The following UNC5D variants were observed in gnomAD, a reference collection of about 807,000 sequenced individuals.
UNC5D encodes unc-5 netrin receptor D.
UNC5D carries 39 observed loss-of-function variants against 105.4 expected under a neutral mutation model. That is an observed-to-expected ratio of 0.37 (90% CI 0.29 to 0.48). The LOEUF is 0.48. UNC5D is among the 20% of genes least tolerant of loss of function. The probability of loss-of-function intolerance (pLI) is 0.98; values close to 1 mark genes in which losing one functional copy is unlikely to be tolerated. For missense variants in UNC5D, 991 were observed against 1,202.4 expected (o/e 0.82, Z 2.60); for synonymous variants, 452 against 450.4 (o/e 1.00, Z -0.04).
chr8:35,682,389 C>G (rs1825729484), intron 4 of UNC5D, among the ~76,000 whole-genome samples: 1 of 152,152 alleles, frequency 6.6e-6, no homozygotes. Context: ...ATGAAATGCC[C>G]CTGATGTGTA....
chr8:35,475,569 A>T (rs1423603288), intron 1 of UNC5D, among the ~76,000 whole-genome samples: 1 of 152,190 alleles, frequency 6.6e-6, no homozygotes, highest in Non-Finnish European at 1.5e-5. Context: ...TGTTTTTGCC[A>T]GTACTGGCTC....
intron 1 of UNC5D, among the ~76,000 whole-genome samples, chr8:35,282,952 T>G (rs1806300118): frequency 6.6e-6 from 1 of 152,182 alleles, no homozygotes; most frequent in South Asian, 2.1e-4. Flanking sequence ...TGCATATGTT[T>G]CTCTTAATAG....
At chr8:35,500,102 T>C (rs1389462885) in intron 1 of UNC5D, among the ~76,000 whole-genome samples, 1 of 152,246 alleles carries the variant, frequency 6.6e-6, no homozygotes, top group African/African-American at 2.4e-5. Context: ...CATTAAGCCA[T>C]GTATTCTGAT....
chr8:35,648,614 G>A (rs967338522), intron 4 of UNC5D, among the ~76,000 whole-genome samples: 1 of 150,016 alleles, frequency 6.7e-6, no homozygotes, highest in African/African-American at 2.5e-5. Context: ...GGGAAGCAGA[G>A]GTTGCAGTGA....
At chr8:35,622,490 T>A (rs1234641957) in intron 4 of UNC5D, among the ~76,000 whole-genome samples, 1 of 152,212 alleles carries the variant, frequency 6.6e-6, no homozygotes, top group Non-Finnish European at 1.5e-5. Context: ...TCTTGTTAGC[T>A]GTGTGTTAAG....
At chr8:35,662,064 G>C (rs558455691) in intron 4 of UNC5D, among the ~76,000 whole-genome samples, 2 of 152,030 alleles carry the variant, frequency 1.3e-5, no homozygotes, top group South Asian at 4.2e-4. Flanking sequence ...TCTGATGCCA[G>C]GACTAATTAC....
chr8:35,552,844 A>G (rs1479816772), intron 2 of UNC5D, among the ~76,000 whole-genome samples: 1 of 152,156 alleles, frequency 6.6e-6, no homozygotes, highest in Non-Finnish European at 1.5e-5. Flanking sequence ...AATTCAAAGG[A>G]AGACAGTGGA....
At chr8:35,361,884 A>C (rs1207635269) in intron 1 of UNC5D, among the ~76,000 whole-genome samples, 1 of 152,190 alleles carries the variant, frequency 6.6e-6, no homozygotes, top group Admixed American at 6.5e-5. Context: ...TATATCAATT[A>C]TGTGCTATAT....
At chr8:35,716,796 T>C (rs1357172694) in intron 8 of UNC5D, among the ~76,000 whole-genome samples, 1 of 152,222 alleles carries the variant, frequency 6.6e-6, no homozygotes. Flanking sequence ...TGGTTGGCCA[T>C]GGCTAACTAC....
chr8:35,682,238 C>T (rs920285146), intron 4 of UNC5D, among the ~76,000 whole-genome samples: 2 of 152,206 alleles, frequency 1.3e-5, no homozygotes, highest in African/African-American at 4.8e-5. Context: ...GCTGGGATTA[C>T]AGGCGTGAGC....
intron 14 of UNC5D, among the ~76,000 whole-genome samples, chr8:35,761,434 G>T (rs966421975): frequency 5.3e-5 from 8 of 152,092 alleles, no homozygotes; most frequent in Non-Finnish European, 7.4e-5. Flanking sequence ...AGGCTTAGGG[G>T]GCTAAGTGTT....
intron 12 of UNC5D, among the ~76,000 whole-genome samples, chr8:35,750,349 C>T (rs1830213719): frequency 6.6e-6 from 1 of 151,610 alleles, no homozygotes; most frequent in Admixed American, 6.6e-5. Context: ...CCTCAGCCTC[C>T]CAAAGTGCTG....
intron 1 of UNC5D, among the ~76,000 whole-genome samples, chr8:35,391,737 G>T (rs1803788912): frequency 1.3e-5 from 2 of 152,208 alleles, no homozygotes; most frequent in Admixed American, 1.3e-4. Context: ...CCTGGGGTGA[G>T]TGATTTGGGG....
chr8:35,538,395 T>TTATA (rs10524805), intron 1 of UNC5D, among the ~76,000 whole-genome samples: 1,119 of 82,092 alleles, frequency 0.014, 21 homozygotes, highest in Non-Finnish European at 0.021. Context: ...AAAAAAATAA[T>TTATA]TATATATATA....
chr8:35,768,828 G>C (rs1390351336), intron 15 of UNC5D, among the ~76,000 whole-genome samples: 3 of 152,140 alleles, frequency 2.0e-5, no homozygotes, highest in Non-Finnish European at 4.4e-5. Flanking sequence ...AATATCTCTT[G>C]ATAATGAGAG....
chr8:35,450,006 A>G (rs1462307308), intron 1 of UNC5D, among the ~76,000 whole-genome samples: 1 of 152,084 alleles, frequency 6.6e-6, no homozygotes, highest in Non-Finnish European at 1.5e-5. Flanking sequence ...ATTTTGACAC[A>G]TGCTGATCTC....
chr8:35,589,818 C>A (rs1049807882), intron 3 of UNC5D, among the ~76,000 whole-genome samples: 5 of 152,124 alleles, frequency 3.3e-5, no homozygotes, highest in African/African-American at 1.2e-4. Flanking sequence ...TATGTTGTAA[C>A]GTGCATCAAT....
chr8:35,284,482 C>T (rs1806439870), intron 1 of UNC5D, among the ~76,000 whole-genome samples: 1 of 152,162 alleles, frequency 6.6e-6, no homozygotes, highest in Admixed American at 6.5e-5. Context: ...TTATCACTGG[C>T]ATATAAACCA....
intron 1 of UNC5D, among the ~76,000 whole-genome samples, chr8:35,546,947 T>C (rs984761590): frequency 9.2e-5 from 14 of 152,246 alleles, no homozygotes; most frequent in African/African-American, 3.1e-4. Context: ...AATTTTTTGA[T>C]GCTGACAATT....
Sources: allele counts gnomAD v4.1 joint callset (sites outside exome capture counted in the v4.1 genomes callset), GRCh38; gene constraint gnomAD v4.1.1; transcripts MANE v1.5; gene names NCBI Gene and HGNC (gene_info 2026-07-23, HGNC 2026-07-21).